Variants in RS1 observed in about 807,000 individuals in gnomAD.
RS1 encodes the protein retinoschisin.
Under a neutral mutation model 20.8 loss-of-function variants are expected in RS1, and 2 were observed. That is an observed-to-expected ratio of 0.10 (90% CI 0.04 to 0.30). RS1 has a LOEUF of 0.30. RS1 is among the 10% of genes least tolerant of loss of function. The probability of loss-of-function intolerance (pLI) is 1.00; values close to 1 mark genes in which losing one functional copy is unlikely to be tolerated. For missense variants in RS1, 151 were observed against 189.8 expected (o/e 0.80, Z 1.20); for synonymous variants, 70 against 75.8 (o/e 0.92, Z 0.40).
intron 3 of RS1, chrX:18,653,559 C>A (rs267608394): frequency 4.1e-6 from 5 of 1,206,540 alleles, no homozygotes; most frequent in Non-Finnish European, 5.6e-6. Flanking sequence ...TGCAAGCCTG[C>A]GGCTGGTCCC....
intron 1 of RS1, among the ~76,000 whole-genome samples, chrX:18,659,250 G>A (rs1016449302): frequency 1.8e-5 from 2 of 111,008 alleles, no homozygotes; most frequent in East Asian, 2.8e-4. Context: ...GAGACAGGCC[G>A]ATCACTTGAG....
intron 3 of RS1, among the ~76,000 whole-genome samples, chrX:18,650,813 G>A (rs750822271): frequency 8.9e-6 from 1 of 112,473 alleles, no homozygotes. Context: ...CCCTCTCAGC[G>A]TGTGCGCAGG....
chrX:18,663,096 T>C (rs1208878821), intron 1 of RS1, among the ~76,000 whole-genome samples: 1 of 98,576 alleles, frequency 1.0e-5, no homozygotes, highest in Non-Finnish European at 1.9e-5. Flanking sequence ...TGGAGTGCAA[T>C]GGCGCAATCT....
At chrX:18,668,806 C>T (rs755042129) in intron 1 of RS1, among the ~76,000 whole-genome samples, 1 of 111,503 alleles carries the variant, frequency 9.0e-6, no homozygotes, top group Non-Finnish European at 1.9e-5. Flanking sequence ...AAAGTCGATC[C>T]GTGGTTGCCC....
chrX:18,671,041 C>T lies in RS1; in HGVS notation c.52+976G>A, dbSNP rs182549056. On this transcript the variant is annotated intron_variant, in intron 1 of 5. Coordinates refer to ENST00000379984, the MANE Select transcript of RS1 (RefSeq NM_000330.4). ...GGATGTGGTGGTGCGTGCCTGTAGT[C>T]CCAGCTACTAGGGAGGCTGAGGCAG... 4.2e-3 allele frequency among the ~76,000 whole-genome samples: 466 copies of T among 111,837 alleles called. 3 individuals are homozygous for T. Among genetic ancestry groups the T allele is most frequent in the Middle Eastern group, 0.023 (5 of 219 alleles).
intron 4 of RS1, chrX:18,646,194 C>T (rs919006165): frequency 8.8e-7 from 1 of 1,138,874 alleles, no homozygotes; most frequent in African/African-American, 1.8e-5. Context: ...CTCTGTCGCC[C>T]AGGCTGGTGT....
intron 3 of RS1, among the ~76,000 whole-genome samples, chrX:18,648,046 C>T (rs191462590): frequency 4.5e-5 from 5 of 110,831 alleles, no homozygotes; most frequent in Admixed American, 9.6e-5. Flanking sequence ...ACAGTAAAAA[C>T]GGTGTTGAGG....
chrX:18,646,759 G>A (rs1927790524), intron 4 of RS1, among the ~76,000 whole-genome samples: 1 of 111,066 alleles, frequency 9.0e-6, no homozygotes, highest in Non-Finnish European at 1.9e-5. Flanking sequence ...TGTACCCCAC[G>A]CCTCTTCCCC....
At chrX:18,656,024 G>A (rs921332889) in intron 3 of RS1, among the ~76,000 whole-genome samples, 2 of 74,808 alleles carry the variant, frequency 2.7e-5, no homozygotes, top group Non-Finnish European at 4.6e-5. Context: ...ACAGCCTCTC[G>A]CTCTGTCACC....
intron 4 of RS1, 126 bp downstream of exon 4, chrX:18,647,065 T>C (rs1602312420): frequency 1.3e-6 from 1 of 765,091 alleles, no homozygotes; most frequent in East Asian, 3.3e-5. Context: ...TACAGGCACG[T>C]GCCACCACGC....
At chrX:18,666,649 C>T (rs185055748) in intron 1 of RS1, among the ~76,000 whole-genome samples, 5 of 111,473 alleles carry the variant, frequency 4.5e-5, no homozygotes, top group East Asian at 5.7e-4. Flanking sequence ...CAACAGGGTC[C>T]GGTTCCGAGG....
chrX:18,655,904 C>T (rs1928203239), intron 3 of RS1, among the ~76,000 whole-genome samples: 1 of 110,029 alleles, frequency 9.1e-6, no homozygotes, highest in Non-Finnish European at 1.9e-5. Context: ...TTCCAGCCCT[C>T]ATCTTCCTGG....
At chrX:18,665,883 C>CAAA (rs55857132) in intron 1 of RS1, among the ~76,000 whole-genome samples, 9 of 34,862 alleles carry the variant, frequency 2.6e-4, no homozygotes, top group African/African-American at 3.3e-4. Flanking sequence ...GACCCTGTCT[C>CAAA]AAAAAAAAAA....
intron 1 of RS1, among the ~76,000 whole-genome samples, chrX:18,671,107 C>T (rs1002117509): frequency 2.7e-5 from 3 of 111,913 alleles, no homozygotes; most frequent in South Asian, 3.7e-4. Flanking sequence ...TACAGTGAGC[C>T]GTGAAACCAA....
At chrX:18,649,158 C>T (rs1166532671) in intron 3 of RS1, among the ~76,000 whole-genome samples, 1 of 111,083 alleles carries the variant, frequency 9.0e-6, no homozygotes. Flanking sequence ...AATCAATAAG[C>T]CAGTATTTAG....
Position 18,649,518 on chromosome X carries a change from G to A in RS1, c.185-2186C>T, listed in dbSNP as rs138663225. Among the ~76,000 whole-genome samples the A allele has an allele frequency of 5.0e-3, 557 of 111,898 alleles. 2 individuals carry two copies. Among genetic ancestry groups the A allele is most frequent in the African/African-American group, 0.017 (521 of 30,833 alleles). ...ACAGGCCAGCTTCAGACCTCTGGCC[G>A]GGGAGGCTTAACTTCCTTTCTGCCC... On this transcript the variant is annotated intron_variant, in intron 3 of 5. Coordinates refer to ENST00000379984, the MANE Select transcript of RS1 (RefSeq NM_000330.4).
intron 3 of RS1, chrX:18,650,020 T>C (rs1355285954): frequency 1.6e-5 from 4 of 249,360 alleles, no homozygotes; most frequent in African/African-American, 1.1e-4. Context: ...TCTGAGAGAG[T>C]AGGCAGAGGG....
chrX:18,645,889 C>A, intron 4 of RS1: 1 of 1,135,725 alleles, frequency 8.8e-7, no homozygotes. Context: ...TAGATGGGGC[C>A]CCCTAACCAA....
intron 3 of RS1, among the ~76,000 whole-genome samples, chrX:18,648,218 A>C (rs967244263): frequency 3.7e-5 from 4 of 109,336 alleles, no homozygotes; most frequent in African/African-American, 1.3e-4. Context: ...TTTTCAACCC[A>C]GTATTCATTC....
Sources: gnomAD v4.1 joint callset for allele counts (sites outside exome capture counted in the v4.1 genomes callset) on GRCh38, gnomAD v4.1.1 for gene constraint, MANE v1.5 for transcripts, NCBI Gene and HGNC (gene_info 2026-07-23, HGNC 2026-07-21) for gene names.